The following KLHL29 variants were observed in gnomAD, a reference collection of about 807,000 sequenced individuals.
KLHL29 encodes the protein kelch like family member 29, also known as kelch-like protein 29.
KLHL29 carries 21 observed loss-of-function variants against 80.4 expected under a neutral mutation model. The ratio of observed to expected loss-of-function variants is 0.26; its 90% CI spans 0.19 to 0.38. The LOEUF is 0.38. KLHL29 is among the 10% of genes least tolerant of loss of function. KLHL29 has a pLI of 1.00. For missense variants in KLHL29, 867 were observed against 1,223.9 expected (o/e 0.71, Z 4.35); for synonymous variants, 511 against 526.8 (o/e 0.97, Z 0.41).
intron 2 of KLHL29, among the ~76,000 whole-genome samples, chr2:23,531,335 T>A (rs552879245): frequency 7.2e-5 from 11 of 152,320 alleles, no homozygotes; most frequent in Non-Finnish European, 1.6e-4. Context: ...ACATGGGACC[T>A]ATTTGGGGGG....
In KLHL29 at chr2:23,596,574, C is replaced by T. The variant is rs1668398109; in HGVS notation, c.285+34093C>T. On this transcript the variant is annotated intron_variant, in intron 3 of 13. Coordinates refer to ENST00000486442, the MANE Select transcript of KLHL29 (RefSeq NM_052920.2). The surrounding 1 kb of genome is among the most constrained non-coding windows in gnomAD (Gnocchi z 4.4). Reference sequence around the variant, plus strand: ...ATAGACCTCACGCTGAGTCATCCTTCTCCATAATGGAAGATGAGATTGTGC... The same window carrying T: ...ATAGACCTCACGCTGAGTCATCCTTTTCCATAATGGAAGATGAGATTGTGC... Among the ~76,000 whole-genome samples the T allele has an allele frequency of 6.6e-6, 1 of 152,228 alleles. No individual in the cohort carries two copies. The highest frequency in any genetic ancestry group is 2.1e-4 in the South Asian group (1 of 4,824).
intron 3 of KLHL29, among the ~76,000 whole-genome samples, chr2:23,621,054 G>A (rs530603239): frequency 7.2e-5 from 11 of 152,370 alleles, no homozygotes; most frequent in African/African-American, 1.7e-4. Flanking sequence ...CACTTCCACC[G>A]CAGGAACATC....
At chr2:23,446,889 G>A (rs2103418947) in intron 1 of KLHL29, among the ~76,000 whole-genome samples, 1 of 152,334 alleles carries the variant, frequency 6.6e-6, no homozygotes, top group East Asian at 1.9e-4. Flanking sequence ...AGTGAAATAT[G>A]GAAACGGTGC....
At chr2:23,488,365 C>T (rs960561644) in intron 2 of KLHL29, among the ~76,000 whole-genome samples, 2 of 152,236 alleles carry the variant, frequency 1.3e-5, no homozygotes, top group Non-Finnish European at 2.9e-5. Context: ...CGTCTCTGGG[C>T]ATCCCCCGTC....
chr2:23,509,129 G>T (rs1056704604), intron 2 of KLHL29, among the ~76,000 whole-genome samples: 1 of 152,212 alleles, frequency 6.6e-6, no homozygotes, highest in Non-Finnish European at 1.5e-5. Flanking sequence ...GATGGTGGGT[G>T]CTCCAGATAT....
intron 2 of KLHL29, among the ~76,000 whole-genome samples, chr2:23,558,609 G>A (rs899272751): frequency 1.3e-5 from 2 of 152,132 alleles, no homozygotes; most frequent in African/African-American, 4.8e-5. Context: ...TCACCATGTA[G>A]GCCAGGCTGC....
intron 1 of KLHL29, among the ~76,000 whole-genome samples, chr2:23,422,768 T>C (rs1662858357): frequency 6.6e-6 from 1 of 151,498 alleles, no homozygotes; most frequent in Non-Finnish European, 1.5e-5. Flanking sequence ...TCTCTGTGTG[T>C]TGTGTGTGTG....
intron 3 of KLHL29, 39 bp from the exon 4 acceptor site, chr2:23,639,100 T>C: frequency 1.3e-6 from 2 of 1,485,940 alleles, no homozygotes; most frequent in Admixed American, 5.5e-5. Context: ...GGCTGGTCTC[T>C]GGCCAGGCTA....
At chr2:23,453,763 G>A (rs950403188) in intron 1 of KLHL29, among the ~76,000 whole-genome samples, 5 of 152,148 alleles carry the variant, frequency 3.3e-5, no homozygotes, top group Non-Finnish European at 5.9e-5. Context: ...TTTAGAAAAA[G>A]CAAGATCATA....
chr2:23,431,297 G>T (rs1036798017), intron 1 of KLHL29, among the ~76,000 whole-genome samples: 7 of 152,230 alleles, frequency 4.6e-5, no homozygotes, highest in African/African-American at 1.4e-4. Context: ...AGAGCTCAAG[G>T]CATAGAACAG....
At chr2:23,641,289 C>G (rs1201735176) in intron 4 of KLHL29, among the ~76,000 whole-genome samples, 1 of 152,234 alleles carries the variant, frequency 6.6e-6, no homozygotes, top group Non-Finnish European at 1.5e-5. Context: ...TTCTTAAGGA[C>G]TAAAGTGGGG....
At chr2:23,412,200 AG>A (rs1436143013) in intron 1 of KLHL29, among the ~76,000 whole-genome samples, 4 of 150,264 alleles carry the variant, frequency 2.7e-5, no homozygotes, top group African/African-American at 9.9e-5. Flanking sequence ...GGACAGTTCC[AG>A]GGTTGGGGTG....
At chr2:23,654,703 G>GGGT (rs1553350651) in intron 5 of KLHL29, among the ~76,000 whole-genome samples, 2 of 111,754 alleles carry the variant, frequency 1.8e-5, no homozygotes, top group East Asian at 3.4e-4. Context: ...GGTTGGGGGG[G>GGGT]GGGGGTGGAT....
intron 5 of KLHL29, among the ~76,000 whole-genome samples, chr2:23,683,128 G>T (rs999518916): frequency 2.6e-5 from 4 of 152,250 alleles, no homozygotes; most frequent in African/African-American, 9.6e-5. Context: ...AGTGTCAGAA[G>T]CAGGGCTGGG....
intron 1 of KLHL29, among the ~76,000 whole-genome samples, chr2:23,466,503 A>T (rs1291188682): frequency 6.6e-6 from 1 of 152,250 alleles, no homozygotes; most frequent in African/African-American, 2.4e-5. Flanking sequence ...AAGAAGAAGC[A>T]GATGGCTAAA....
intron 3 of KLHL29, among the ~76,000 whole-genome samples, chr2:23,625,943 A>G (rs568654622): frequency 8.9e-4 from 136 of 152,340 alleles, no homozygotes; most frequent in Non-Finnish European, 1.6e-3. Flanking sequence ...AGCCCTCCCC[A>G]GAACCTGCCC....
At chr2:23,493,468 A>T (rs917318114) in intron 2 of KLHL29, among the ~76,000 whole-genome samples, 2 of 152,208 alleles carry the variant, frequency 1.3e-5, no homozygotes, top group Non-Finnish European at 2.9e-5. Flanking sequence ...TTAAATACAG[A>T]GATGGTGTAC....
intron 3 of KLHL29, among the ~76,000 whole-genome samples, chr2:23,597,403 ATATATTTTTTTTTTTTT>A (rs1668451763): frequency 5.0e-5 from 2 of 39,758 alleles, no homozygotes; most frequent in Admixed American, 7.6e-4. Context: ...ATATATATAT[ATATATTTTTTTTTTTTT>A]TTTTTTTTTT....
chr2:23,678,009 G>A (rs955782069), intron 5 of KLHL29, among the ~76,000 whole-genome samples: 2 of 152,192 alleles, frequency 1.3e-5, no homozygotes, highest in African/African-American at 4.8e-5. Context: ...CTGCTGCAAA[G>A]CCACTGAAAT....
Sources: gnomAD v4.1 joint callset for allele counts (sites outside exome capture counted in the v4.1 genomes callset) on GRCh38, gnomAD v4.1.1 for gene constraint, Gnocchi (gnomAD v3.1) non-coding constraint, MANE v1.5 for transcripts, NCBI Gene and HGNC (gene_info 2026-07-23, HGNC 2026-07-21) for gene names.